The following ADCY10 variants were observed in gnomAD, a reference collection of about 807,000 sequenced individuals.
ADCY10 encodes adenylate cyclase 10.
ADCY10 carries 156 observed loss-of-function variants against 183.3 expected under a neutral mutation model. The observed-to-expected ratio is 0.85, with a 90% CI of 0.75 to 0.97. The LOEUF (loss-of-function observed/expected upper bound fraction) is 0.97. ADCY10 is among the 50% of genes least tolerant of loss of function. The pLI is 0.00. For missense variants in ADCY10, 1,745 were observed against 1,934.3 expected, an observed-to-expected ratio of 0.90 and a Z score of 1.84; for synonymous variants, 645 against 670.0, an observed-to-expected ratio of 0.96 and a Z score of 0.58.
chr1:167,870,476 G>T, intron 13 of ADCY10, 66 bp from the exon 14 acceptor site: 1 of 1,385,126 alleles, frequency 7.2e-7, no homozygotes, highest in Non-Finnish European at 1.0e-6. Context: ...GATATAAAAA[G>T]TCACATAGAA....
chr1:167,810,614 T>C (rs914558433), intron 32 of ADCY10, 111 bp downstream of exon 32: 1 of 976,994 alleles, frequency 1.0e-6, no homozygotes, highest in East Asian at 2.5e-5. Context: ...TGACCCAGTC[T>C]AAGATATTTT....
intron 28 of ADCY10, among the ~76,000 whole-genome samples, chr1:167,823,700 C>T (rs1663075140): frequency 6.6e-6 from 1 of 152,132 alleles, no homozygotes; most frequent in African/African-American, 2.4e-5. Flanking sequence ...CTCAGTAATT[C>T]GGAACCAAAT....
intron 26 of ADCY10, among the ~76,000 whole-genome samples, chr1:167,827,334 AT>A (rs35177857): frequency 0.034 from 4,533 of 132,826 alleles, 117 homozygotes; most frequent in East Asian, 0.14. Flanking sequence ...CGCCCGGCTA[AT>A]TTTTTTTTTT....
At chr1:167,820,389 C>A in intron 30 of ADCY10, 1 of 557,718 alleles carries the variant, frequency 1.8e-6, no homozygotes. Flanking sequence ...CCGCCTGGCT[C>A]AGCACCCCGA....
At position 167,844,282 on chromosome 1, in the gene ADCY10, A is replaced by G. The variant is rs796728287; in HGVS notation, c.3007+1281T>C. 1.3e-5 allele frequency among the ~76,000 whole-genome samples: 2 copies of G among 152,182 alleles called. 1 individual carries two copies. The highest frequency in any genetic ancestry group is 4.1e-4 in the South Asian group (2 of 4,832). On this transcript the variant is annotated intron_variant, in intron 21 of 32. Transcript: ENST00000367851. ...TACTCAAGCTCTCAGAGGACTAAAAATCTTCATGGTCCAGATCCTAAGGCT... is the reference window on the plus strand; with the variant it reads ...TACTCAAGCTCTCAGAGGACTAAAAGTCTTCATGGTCCAGATCCTAAGGCT...
intron 1 of ADCY10, among the ~76,000 whole-genome samples, chr1:167,910,053 A>C (rs529503197): frequency 6.6e-6 from 1 of 152,292 alleles, no homozygotes; most frequent in African/African-American, 2.4e-5. Flanking sequence ...AGCCCTTAAA[A>C]GGGCCAGGAA....
At chr1:167,827,819 T>G (rs1663428333) in intron 26 of ADCY10, among the ~76,000 whole-genome samples, 1 of 152,002 alleles carries the variant, frequency 6.6e-6, no homozygotes, top group African/African-American at 2.4e-5. Context: ...GTTCAAGCAA[T>G]TCTCCTGCCT....
At position 167,843,734 on chromosome 1, in the gene ADCY10, T is replaced by C. The variant is rs2101956885; in HGVS notation, c.3007+1829A>G. On this transcript the variant is annotated intron_variant, in intron 21 of 32. Coordinates refer to ENST00000367851, the MANE Select transcript of ADCY10 (RefSeq NM_018417.6). ...GTCTGGGATGGCAGCTTGATCCCAA[T>C]GCAGCCACAGGCCACTTCAGCCTTC... Among the ~76,000 whole-genome samples, 3 of 152,234 alleles carry C rather than the reference T, an allele frequency of 2.0e-5. No homozygotes were observed. The South Asian group carries it at 6.2e-4, about 32-fold the overall frequency.
chr1:167,861,212 C>T, intron 14 of ADCY10, 149 bp from the exon 15 acceptor site: 1 of 711,826 alleles, frequency 1.4e-6, no homozygotes, highest in East Asian at 2.7e-5. Flanking sequence ...TTTATTGCTG[C>T]TTCTGATATA....
intron 15 of ADCY10, 110 bp from the exon 16 acceptor site, chr1:167,860,003 G>T: frequency 3.4e-6 from 3 of 879,626 alleles, no homozygotes; most frequent in Non-Finnish European, 5.7e-6. Context: ...AAATCCTCAT[G>T]TGTTAGATAA....
chr1:167,894,048 G>T, intron 7 of ADCY10, 107 bp from the exon 8 acceptor site: 1 of 762,674 alleles, frequency 1.3e-6, no homozygotes, highest in Non-Finnish European at 2.3e-6. Flanking sequence ...GGGCCTTCTT[G>T]TCCTTACAGT....
rs36060877 is a variant in ADCY10, at chr1:167,836,627, C to T, written c.3078-87G>A. 103,868 of 967,032 alleles carry T rather than the reference C, an allele frequency of 0.11. 6,070 individuals carry two copies. Among genetic ancestry groups the T allele is most frequent in the Middle Eastern group, 0.16 (540 of 3,412 alleles). 59.9% of individuals were successfully genotyped at this position (967,032 alleles called of 1,614,324 possible). On this transcript the variant is annotated intron_variant, in intron 22 of 32. Transcript: ENST00000367851. ...TCTTTAGGCCAGACGCGGTGGCTCACGCCTGTAATTCCAGCAGTTTGGGAG... is the reference window on the plus strand; with the variant it reads ...TCTTTAGGCCAGACGCGGTGGCTCATGCCTGTAATTCCAGCAGTTTGGGAG...
rs192255889 is a variant in ADCY10, at chr1:167,880,173, A to G, written c.1158T>C (p.Val386=). 1.2e-6 allele frequency: 2 copies of G among 1,613,536 alleles called. No homozygotes were observed. Among genetic ancestry groups the G allele is most frequent in the East Asian group, 4.5e-5 (2 of 44,884 alleles). The change falls in exon 11 of 33, where the codon GTT becomes GTC. Residue 386 remains valine (V), a synonymous_variant. Coordinates refer to ENST00000367851, the MANE Select transcript of ADCY10 (RefSeq NM_018417.6). ...VHKIQTVSIG[V]ASGIVFCGIV... ...TCCCACAGAAGACAATCCCACTGGC[A>G]ACACCGATGGATACAGTTCTGGTGC...
chr1:167,883,635 A>G lies in ADCY10; in HGVS notation c.829-7T>C, dbSNP rs753565051. Reference sequence around the variant, plus strand: ...GAAGCTGTTTGTTATCAATCTGCAAAGTAGAGAGCAGCTTTCTGTAGGTGT... The same window carrying G: ...GAAGCTGTTTGTTATCAATCTGCAAGGTAGAGAGCAGCTTTCTGTAGGTGT... On this transcript the variant is annotated splice_region_variant and splice_polypyrimidine_tract_variant and intron_variant, in intron 8 of 32. Coordinates refer to ENST00000367851, the MANE Select transcript of ADCY10 (RefSeq NM_018417.6). 3.1e-6 allele frequency: 5 copies of G among 1,614,152 alleles called. No individual in the cohort carries two copies. The highest frequency in any genetic ancestry group is 4.2e-6 in the Non-Finnish European group (5 of 1,180,004).
chr1:167,831,104 C>A (rs992897284), intron 25 of ADCY10, among the ~76,000 whole-genome samples: 4 of 152,196 alleles, frequency 2.6e-5, no homozygotes, highest in Admixed American at 6.5e-5. Context: ...GGCGTGTCCT[C>A]AACCTTGGCA....
intron 17 of ADCY10, among the ~76,000 whole-genome samples, chr1:167,854,708 C>T (rs1281107762): frequency 1.3e-5 from 2 of 152,038 alleles, no homozygotes; most frequent in African/African-American, 4.8e-5. Flanking sequence ...TTAAAACAGA[C>T]ATTGGAAGGA....
chr1:167,820,053 T>TCATCCTTGAGG, intron 30 of ADCY10: 1 of 1,577,826 alleles, frequency 6.3e-7, no homozygotes. Flanking sequence ...TTTCAAAGCC[T>TCATCCTTGAGG]CTTTCGTTAC....
At chr1:167,827,811 T>C (rs997251837) in intron 26 of ADCY10, among the ~76,000 whole-genome samples, 9 of 151,896 alleles carry the variant, frequency 5.9e-5, no homozygotes, top group Non-Finnish European at 8.8e-5. Flanking sequence ...CCTCCTGGGT[T>C]CAAGCAATTC....
chr1:167,833,553 C>T (rs1171830450), intron 24 of ADCY10, among the ~76,000 whole-genome samples: 2 of 152,124 alleles, frequency 1.3e-5, no homozygotes, highest in Non-Finnish European at 2.9e-5. Flanking sequence ...TGAGACCAGC[C>T]TGGCCAACAT....
Sources: gnomAD v4.1 joint callset for allele counts (sites outside exome capture counted in the v4.1 genomes callset) on GRCh38, gnomAD v4.1.1 for gene constraint, MANE v1.5 for transcripts, NCBI Gene and HGNC (gene_info 2026-07-23, HGNC 2026-07-21) for gene names.